Variants in BCAS3 observed in about 807,000 individuals in gnomAD.
The protein encoded by BCAS3 is BCAS3 microtubule associated cell migration factor, also known as BCAS4/BCAS3 fusion.
In BCAS3, 53 loss-of-function variants were observed where a neutral mutation model predicts 116.1. The observed-to-expected ratio is 0.46, with a 90% CI of 0.37 to 0.57. The LOEUF (loss-of-function observed/expected upper bound fraction) is 0.57, where lower values mean the gene tolerates loss of function less well. BCAS3 is among the 20% of genes least tolerant of loss of function. BCAS3 has a pLI of 0.00. For synonymous variants in BCAS3, 391 were observed against 408.2 expected, an observed-to-expected ratio of 0.96 and a Z score of 0.51; for missense variants, 917 against 1,165.4, an observed-to-expected ratio of 0.79 and a Z score of 3.10.
intron 22 of BCAS3, among the ~76,000 whole-genome samples, chr17:61,287,525 A>G (rs148730191): frequency 0.02 from 2,975 of 152,016 alleles, 90 homozygotes; most frequent in African/African-American, 0.067. Context: ...CAGGAGTTCA[A>G]GACCAGCCTA....
In BCAS3 at chr17:60,947,237, C is replaced by T. The variant is rs2060552979; in HGVS notation, c.1106C>T (p.Thr369Ile). Residue 369 changes from threonine (T) to isoleucine (I), a missense_variant, in exon 14 of 24, where the codon ACA becomes ATA. Around this residue, in one of 3 missense-constraint regions of BCAS3, gnomAD observed 807 missense variants for 1,026.0 expected, o/e 0.79. Coordinates refer to ENST00000407086, the MANE Select transcript of BCAS3 (RefSeq NM_017679.5). Reference sequence around the variant, plus strand: ...CTTCCAGGAATGCTTCTAGTCACAACAGACACCCTTGGCCATGACTTTCAT... The same window carrying T: ...CTTCCAGGAATGCTTCTAGTCACAATAGACACCCTTGGCCATGACTTTCAT... ...FNTSGMLLVT[T>I]DTLGHDFHVF... 1 of 1,612,640 alleles carries T rather than the reference C, an allele frequency of 6.2e-7. No individual in the cohort carries two copies. Among genetic ancestry groups the T allele is most frequent in the Non-Finnish European group, 8.5e-7 (1 of 1,179,026 alleles).
At chr17:60,924,151 G>A (rs2059246118) in intron 12 of BCAS3, among the ~76,000 whole-genome samples, 1 of 152,146 alleles carries the variant, frequency 6.6e-6, no homozygotes, top group African/African-American at 2.4e-5. Flanking sequence ...TATACTTGAA[G>A]AAGTAATTGT....
chr17:61,067,491 G>A (rs1388007408), intron 19 of BCAS3, among the ~76,000 whole-genome samples: 1 of 149,674 alleles, frequency 6.7e-6, no homozygotes, highest in Non-Finnish European at 1.5e-5. Flanking sequence ...GGCTGAGGCA[G>A]GCGGATCATG....
rs79618482 is a variant in BCAS3 at position 61,025,178 on chromosome 17, T to G, written c.1637+9277T>G. On this transcript the variant is annotated intron_variant, in intron 16 of 23. Coordinates refer to ENST00000407086, the MANE Select transcript of BCAS3 (RefSeq NM_017679.5). ...GAGAGATTGTAGTCTTCAAGTAGTT[T>G]TAGTTATTTAAATCTGTGTTTGTCA... Among the ~76,000 whole-genome samples the G allele has an allele frequency of 1.3e-3, 201 of 152,250 alleles. 4 individuals carry two copies. The East Asian group carries it at 0.036, about 27-fold the overall frequency.
At chr17:60,704,797 C>T (rs376077962) in intron 4 of BCAS3, among the ~76,000 whole-genome samples, 2 of 151,464 alleles carry the variant, frequency 1.3e-5, no homozygotes, top group South Asian at 2.1e-4. Context: ...GAGATTGTGC[C>T]ACTGCACTCC....
rs536483282 is a variant in BCAS3 at position 61,270,374 on chromosome 17, C to T, written c.2426-97953C>T. On this transcript the variant is annotated intron_variant, in intron 22 of 23. Coordinates refer to ENST00000407086, the MANE Select transcript of BCAS3 (RefSeq NM_017679.5). ...CTGGCCTCATGTGATCTGCCTGCCT[C>T]GGCCTCCCAAAGTGCTGGGATTACA... is the stretch of plus-strand genomic sequence containing the variant. 3.3e-5 allele frequency among the ~76,000 whole-genome samples: 5 copies of T among 152,150 alleles called. No homozygotes were observed. In the East Asian group the frequency reaches 7.7e-4, roughly 24 times the overall value.
chr17:61,116,147 C>T (rs894152369), intron 22 of BCAS3, among the ~76,000 whole-genome samples: 22 of 151,526 alleles, frequency 1.5e-4, no homozygotes, highest in African/African-American at 1.5e-4. Flanking sequence ...TGCTAGATAA[C>T]GAGTTAGTGG....
intron 10 of BCAS3, among the ~76,000 whole-genome samples, chr17:60,893,629 G>T (rs560857777): frequency 9.8e-6 from 1 of 101,892 alleles, no homozygotes; most frequent in Non-Finnish European, 1.8e-5. Context: ...TTTTTTGCAC[G>T]ACAGAGTGTA....
intron 22 of BCAS3, among the ~76,000 whole-genome samples, chr17:61,193,282 T>TA (rs1266460713): frequency 3.3e-5 from 5 of 151,402 alleles, no homozygotes; most frequent in Non-Finnish European, 7.4e-5. Flanking sequence ...AATAAATAAA[T>TA]AAAAATTTAA....
At position 60,947,281 on chromosome 17, in the gene BCAS3, C is replaced by G. The variant is rs1178136990; in HGVS notation, c.1150C>G (p.His384Asp). The change falls in exon 14 of 24, where the codon CAT (histidine) becomes GAT (aspartate). Residue 384 changes from histidine (H) to aspartate (D), a missense_variant. By Grantham distance (81) the His-to-Asp change is moderately conservative. Around this residue, in one of 3 missense-constraint regions of BCAS3, gnomAD observed 807 missense variants for 1,026.0 expected, o/e 0.79. Transcript: ENST00000407086. ...HDFHVFQILT[H>D]PWSSSQCAVH... ...CTTTCATGTCTTCCAAATTCTGACT[C>G]ATCCTTGGTCCTCATCACAATGTGC... is the stretch of plus-strand genomic sequence containing the variant. 1 of 1,612,598 alleles carries G rather than the reference C, an allele frequency of 6.2e-7. No homozygotes were observed. The highest frequency in any genetic ancestry group is 2.2e-5 in the East Asian group (1 of 44,864).
intron 13 of BCAS3, among the ~76,000 whole-genome samples, chr17:60,925,977 A>G (rs1444788404): frequency 6.6e-6 from 1 of 152,130 alleles, no homozygotes; most frequent in Non-Finnish European, 1.5e-5. Flanking sequence ...GTGATTTTGT[A>G]CAATATTTTA....
At chr17:61,225,433 C>T (rs2144404244) in intron 22 of BCAS3, among the ~76,000 whole-genome samples, 1 of 152,282 alleles carries the variant, frequency 6.6e-6, no homozygotes, top group South Asian at 2.1e-4. Context: ...CAAAGATTCA[C>T]AGTATCAGTG....
chr17:60,729,153 T>C, intron 5 of BCAS3, among the ~76,000 whole-genome samples: 1 of 152,246 alleles, frequency 6.6e-6, no homozygotes, highest in East Asian at 1.9e-4. Context: ...TGCTATATCA[T>C]GGTAGTTTGC....
At chr17:61,193,385 A>G (rs929562941) in intron 22 of BCAS3, among the ~76,000 whole-genome samples, 1 of 152,236 alleles carries the variant, frequency 6.6e-6, no homozygotes, top group African/African-American at 2.4e-5. Context: ...AAGGCGGGAA[A>G]GAACAGATCA....
intron 22 of BCAS3, among the ~76,000 whole-genome samples, chr17:61,317,607 G>A (rs1208523779): frequency 6.6e-6 from 1 of 152,220 alleles, no homozygotes; most frequent in East Asian, 1.9e-4. Flanking sequence ...TGGGGTAGTA[G>A]CACCATCAGG....
At chr17:61,305,599 A>G (rs995618785) in intron 22 of BCAS3, among the ~76,000 whole-genome samples, 1 of 152,226 alleles carries the variant, frequency 6.6e-6, no homozygotes, top group South Asian at 2.1e-4. Flanking sequence ...GAAAGTGACC[A>G]ATAATGATGG....
chr17:61,108,970 G>T (rs1409653592), intron 22 of BCAS3, among the ~76,000 whole-genome samples: 1 of 151,956 alleles, frequency 6.6e-6, no homozygotes, highest in African/African-American at 2.4e-5. Context: ...GGCGGATCAC[G>T]AGGTCAAGAG....
At chr17:61,152,302 C>T (rs904498089) in intron 22 of BCAS3, among the ~76,000 whole-genome samples, 1 of 152,090 alleles carries the variant, frequency 6.6e-6, no homozygotes, top group African/African-American at 2.4e-5. Context: ...CCTCCCTGCC[C>T]TTAGCTACTT....
intron 22 of BCAS3, among the ~76,000 whole-genome samples, chr17:61,176,242 G>A (rs1196203056): frequency 6.7e-6 from 1 of 148,492 alleles, no homozygotes; most frequent in East Asian, 1.9e-4. Context: ...TTATTTATAA[G>A]GTAAGATGTA....
Sources: gnomAD v4.1 joint callset for allele counts (sites outside exome capture counted in the v4.1 genomes callset) on GRCh38, gnomAD v4.1.1 for gene constraint, gnomAD v4.1.1 regional missense constraint, MANE v1.5 for transcripts, NCBI Gene and HGNC (gene_info 2026-07-23, HGNC 2026-07-21) for gene names.